The following DNAJC18 variants were observed in gnomAD, a reference collection of about 807,000 sequenced individuals.
DNAJC18 encodes the protein dnaJ homolog subfamily C member 18.
In DNAJC18, 40 loss-of-function variants were observed where a neutral mutation model predicts 48.6. The observed-to-expected ratio is 0.82, with a 90% CI of 0.64 to 1.07. The LOEUF (loss-of-function observed/expected upper bound fraction) is 1.07. DNAJC18 is among the 50% of genes least tolerant of loss of function. The pLI is 0.00. For missense variants in DNAJC18, 340 were observed against 427.7 expected, an observed-to-expected ratio of 0.79 and a Z score of 1.81; for synonymous variants, 135 against 152.2, an observed-to-expected ratio of 0.89 and a Z score of 0.83.
At chr5:139,431,807 A>G (rs573823942) in intron 2 of DNAJC18, among the ~76,000 whole-genome samples, 42 of 152,382 alleles carry the variant, frequency 2.8e-4, no homozygotes, top group African/African-American at 9.1e-4. Flanking sequence ...CATTCCTACC[A>G]GCAATGTACA....
Position 139,439,023 on chromosome 5 carries a change from C to CA in DNAJC18, c.40+382dup, listed in dbSNP as rs1277605010. Among the ~76,000 whole-genome samples, 2 of 152,196 alleles carry CA rather than the reference C, an allele frequency of 1.3e-5. No homozygotes were observed. Among genetic ancestry groups the CA allele is most frequent in the East Asian group, 1.9e-4 (1 of 5,200 alleles). On this transcript the variant is annotated intron_variant, in intron 1 of 7. Transcript: ENST00000302060. This position sits in a 1 kb window ranked among gnomAD's most constrained non-coding sequence, Gnocchi z 4.1. ...CTGATGCCGGCTGGAGCGACATGAT[C>CA]AAACAGGGACTGAAGGTCAGGTGGC...
At chr5:139,415,672 T>C (rs957234632) in intron 7 of DNAJC18, among the ~76,000 whole-genome samples, 1 of 152,258 alleles carries the variant, frequency 6.6e-6, no homozygotes, top group Non-Finnish European at 1.5e-5. Context: ...TCTCTGCTCC[T>C]GCATCCTGCC....
intron 7 of DNAJC18, among the ~76,000 whole-genome samples, chr5:139,415,859 T>G (rs1203768508): frequency 1.3e-5 from 2 of 152,268 alleles, no homozygotes; most frequent in African/African-American, 4.8e-5. Context: ...GTTTTCCATT[T>G]GCTCAGCTTT....
chr5:139,431,042 A>G (rs1180963812), intron 2 of DNAJC18, among the ~76,000 whole-genome samples: 3 of 152,150 alleles, frequency 2.0e-5, no homozygotes, highest in Non-Finnish European at 4.4e-5. Flanking sequence ...TCAGTAACAC[A>G]GGTTGGACTC....
Position 139,410,552 on chromosome 5 carries a change from T to C in DNAJC18, c.*3596A>G, listed in dbSNP as rs899741221. 1.3e-5 allele frequency: 2 copies of C among 150,940 alleles called. No individual in the cohort carries two copies. Among genetic ancestry groups the C allele is most frequent in the African/African-American group, 2.5e-5 (1 of 40,448 alleles). 9.4% of individuals were successfully genotyped at this position (150,940 alleles called of 1,614,324 possible). On this transcript the variant is annotated 3_prime_UTR_variant, in exon 8 of 8. Transcript: ENST00000302060. ...ACCTTAAATGAGGGCAGAATAAATA[T>C]GAATGAAGTGCAAGCTCCTGTGAGG...
At chr5:139,415,426 A>C (rs1759056737) in intron 7 of DNAJC18, among the ~76,000 whole-genome samples, 1 of 152,244 alleles carries the variant, frequency 6.6e-6, no homozygotes, top group South Asian at 2.1e-4. Flanking sequence ...GCAGGACTCC[A>C]GAGTGAGGGA....
chr5:139,427,171 GTCT>G (rs1759257523), intron 3 of DNAJC18, among the ~76,000 whole-genome samples: 1 of 152,072 alleles, frequency 6.6e-6, no homozygotes, highest in African/African-American at 2.4e-5. Context: ...TAAAAACAAA[GTCT>G]TCATCATAGT....
rs1750683250 is a variant in DNAJC18, at chr5:139,437,249, G to C, written c.227+123C>G. ...TCAGTCTTCCCTCTGAGGTCAAGAAGCTAGTATGCCTCAATTATCATCATC... is the reference window on the plus strand; with the variant it reads ...TCAGTCTTCCCTCTGAGGTCAAGAACCTAGTATGCCTCAATTATCATCATC... On this transcript the variant is annotated intron_variant, in intron 2 of 7. Coordinates refer to ENST00000302060, the MANE Select transcript of DNAJC18 (RefSeq NM_152686.4). 1.4e-5 allele frequency: 17 copies of C among 1,241,848 alleles called. No individual in the cohort carries two copies. In the South Asian group the frequency reaches 2.8e-4, roughly 21 times the overall value. 76.9% of individuals were successfully genotyped at this position (1,241,848 alleles called of 1,614,324 possible).
At chr5:139,427,639 C>T (rs946879926) in intron 3 of DNAJC18, among the ~76,000 whole-genome samples, 2 of 152,126 alleles carry the variant, frequency 1.3e-5, no homozygotes, top group African/African-American at 2.4e-5. Flanking sequence ...ATATATCTCC[C>T]AAGAAGAAAG....
At chr5:139,419,418 C>T (rs541372414) in intron 7 of DNAJC18, among the ~76,000 whole-genome samples, 1 of 152,390 alleles carries the variant, frequency 6.6e-6, no homozygotes, top group East Asian at 1.9e-4. Flanking sequence ...CCCAAAGGGG[C>T]AGACCCAAGG....
In DNAJC18 at chr5:139,426,246, T is replaced by C. The variant is rs1176887255; in HGVS notation, c.485A>G (p.Tyr162Cys). Residue 162 changes from tyrosine to cysteine, a missense_variant, in exon 4 of 8, where the codon TAT becomes TGT. By Grantham distance (194) the Tyr-to-Cys change is radical. Transcript: ENST00000302060. ...FTAPRARPYN[Y>C]YRDFEADITP... ...GATGTCAGCTTCAAAATCCCTGTAA[T>C]AATTATAAGGTCTGGCTCGAGGGGC... The C allele has an allele frequency of 5.6e-6, 9 of 1,614,110 alleles. No individual in the cohort carries two copies. Among genetic ancestry groups the C allele is most frequent in the South Asian group, 1.1e-5 (1 of 91,092 alleles).
intron 2 of DNAJC18, among the ~76,000 whole-genome samples, chr5:139,431,988 T>C (rs971647188): frequency 3.3e-5 from 5 of 152,234 alleles, no homozygotes; most frequent in Non-Finnish European, 7.3e-5. Flanking sequence ...TCTTTATTCA[T>C]ATATGGAGGA....
Position 139,427,241 on chromosome 5 carries a change from T to A in DNAJC18, c.374-884A>T, listed in dbSNP as rs78591915. ...CTGAAATTAAGAAATGTATTTCCAA[T>A]GTCTCAAGGAGGGTTCAAAGGCTGA... On this transcript the variant is annotated intron_variant, in intron 3 of 7. Coordinates refer to ENST00000302060, the MANE Select transcript of DNAJC18 (RefSeq NM_152686.4). Among the ~76,000 whole-genome samples, 1,226 of 152,282 alleles carry A rather than the reference T, an allele frequency of 8.1e-3. 18 individuals carry two copies. Among genetic ancestry groups the A allele is most frequent in the African/African-American group, 0.028 (1,150 of 41,540 alleles).
At chr5:139,436,157 C>G (rs1184274783) in intron 2 of DNAJC18, among the ~76,000 whole-genome samples, 1 of 151,990 alleles carries the variant, frequency 6.6e-6, no homozygotes, top group African/African-American at 2.4e-5. Context: ...ACTACCATAG[C>G]TTACTGTAAC....
intron 5 of DNAJC18, among the ~76,000 whole-genome samples, chr5:139,423,884 T>C (rs1214325475): frequency 8.5e-5 from 13 of 152,178 alleles, no homozygotes; most frequent in South Asian, 2.1e-4. Context: ...ACAACCTGGA[T>C]TGACACCCAG....
Position 139,414,171 on chromosome 5 carries a change from T to C in DNAJC18, c.1054A>G (p.Ile352Val). ...TCTCAGCCACCTCTGCGTAGGCCAA[T>C]GAGTTTGGAAAGTTTCTCACAGTTT... ...LENCEKLSKL[I>V]GLRRGG Residue 352 changes from isoleucine to valine, a missense_variant, in exon 8 of 8, where the codon ATT becomes GTT. Transcript: ENST00000302060. The C allele has an allele frequency of 1.2e-6, 2 of 1,614,226 alleles. No individual in the cohort carries two copies. Among genetic ancestry groups the C allele is most frequent in the South Asian group, 1.1e-5 (1 of 91,084 alleles).
At chr5:139,416,054 AC>A (rs1418668063) in intron 7 of DNAJC18, among the ~76,000 whole-genome samples, 1 of 152,172 alleles carries the variant, frequency 6.6e-6, no homozygotes, top group African/African-American at 2.4e-5. Flanking sequence ...CAGAGCAATG[AC>A]CTTGTACAAG....
chr5:139,419,911 T>C (rs1051174071), intron 7 of DNAJC18, 142 bp downstream of exon 7: 17 of 818,412 alleles, frequency 2.1e-5, no homozygotes, highest in Non-Finnish European at 3.1e-5. Flanking sequence ...TTTTATAGTA[T>C]CCTGAATGGC....
At chr5:139,415,920 G>C (rs554581653) in intron 7 of DNAJC18, among the ~76,000 whole-genome samples, 5 of 152,320 alleles carry the variant, frequency 3.3e-5, no homozygotes, top group African/African-American at 1.2e-4. Context: ...TTAAGGGCTA[G>C]TGACTCTTTA....
Sources: allele counts gnomAD v4.1 joint callset (sites outside exome capture counted in the v4.1 genomes callset), GRCh38; gene constraint gnomAD v4.1.1; non-coding constraint Gnocchi (gnomAD v3.1); transcripts MANE v1.5; gene names NCBI Gene and HGNC (gene_info 2026-07-23, HGNC 2026-07-21).